Variants in DMD observed in about 807,000 individuals in gnomAD.
The protein encoded by DMD is dystrophin, also known as mutant dystrophin.
A neutral mutation model predicts 330.1 loss-of-function variants in DMD; 63 were observed. That is an observed-to-expected ratio of 0.19 (90% CI 0.16 to 0.24). The LOEUF (loss-of-function observed/expected upper bound fraction) is 0.24, where lower values mean the gene tolerates loss of function less well. Ranked by LOEUF, DMD falls within the 10% of genes least tolerant of loss-of-function variation. The pLI, the probability that DMD is intolerant of heterozygous loss-of-function variation, is 1.00. For synonymous variants in DMD, 1,223 were observed against 959.8 expected, an observed-to-expected ratio of 1.27 and a Z score of -5.07; for missense variants, 3,344 against 2,684.1, an observed-to-expected ratio of 1.25 and a Z score of -5.43.
intron 9 of DMD, among the ~76,000 whole-genome samples, chrX:32,681,672 C>T (rs1364797574): frequency 8.9e-6 from 1 of 111,815 alleles, no homozygotes; most frequent in African/African-American, 3.3e-5. Flanking sequence ...AAACGTGATG[C>T]TTTCATTCAT....
At chrX:33,139,868 TAAA>T (rs3990971) in intron 1 of DMD, among the ~76,000 whole-genome samples, 17 of 64,347 alleles carry the variant, frequency 2.6e-4, no homozygotes, top group Admixed American at 1.2e-3. Context: ...GCCCCATCGC[TAAA>T]AAAAAAAAAA....
intron 7 of DMD, among the ~76,000 whole-genome samples, chrX:32,752,449 G>A (rs941353135): frequency 9.2e-6 from 1 of 109,060 alleles, no homozygotes; most frequent in African/African-American, 3.3e-5. Flanking sequence ...TATTTGGAAG[G>A]GCTATATTTA....
intron 55 of DMD, among the ~76,000 whole-genome samples, chrX:31,583,525 G>T (rs973601164): frequency 1.8e-5 from 2 of 111,189 alleles, no homozygotes; most frequent in South Asian, 3.8e-4. Flanking sequence ...AGAGCAGTTT[G>T]CCTGGCACGG....
intron 1 of DMD, among the ~76,000 whole-genome samples, chrX:33,023,748 C>A (rs1463855195): frequency 9.0e-6 from 1 of 111,111 alleles, no homozygotes; most frequent in African/African-American, 3.3e-5. Flanking sequence ...AAGTCATGGG[C>A]TCCATTTGAT....
chrX:32,993,270 G>A (rs999463272), intron 2 of DMD, among the ~76,000 whole-genome samples: 1 of 111,949 alleles, frequency 8.9e-6, no homozygotes, highest in African/African-American at 3.2e-5. Context: ...TTTGTGAGCT[G>A]TACAACCCGT....
At chrX:31,242,032 A>C (rs2048352724) in intron 63 of DMD, among the ~76,000 whole-genome samples, 1 of 109,993 alleles carries the variant, frequency 9.1e-6, no homozygotes, top group South Asian at 3.9e-4. Flanking sequence ...CGAGATGGGC[A>C]GATGGCTTGA....
chrX:32,292,411 T>G (rs1378266557), intron 42 of DMD, among the ~76,000 whole-genome samples: 3 of 102,337 alleles, frequency 2.9e-5, no homozygotes, highest in African/African-American at 1.1e-4. Context: ...CTTACACCAT[T>G]CTCTTGCCTC....
At chrX:33,328,622 C>T (rs779118314) in intron 1 of DMD, among the ~76,000 whole-genome samples, 3 of 111,426 alleles carry the variant, frequency 2.7e-5, no homozygotes, top group African/African-American at 6.5e-5. Flanking sequence ...TACTATGTCA[C>T]GCATTTTGTG....
chrX:32,867,169 TAAAAAAAA>T (rs35927892), intron 2 of DMD, among the ~76,000 whole-genome samples: 102 of 102,393 alleles, frequency 1.0e-3, no homozygotes, highest in African/African-American at 3.5e-3. Flanking sequence ...TTGGAGAAGT[TAAAAAAAA>T]AAAAAAGTTG....
intron 1 of DMD, among the ~76,000 whole-genome samples, chrX:33,316,491 T>A (rs182557755): frequency 9.0e-6 from 1 of 111,638 alleles, no homozygotes; most frequent in Non-Finnish European, 1.9e-5. Context: ...TTTGAGTTAA[T>A]GTTTGAATAA....
intron 1 of DMD, among the ~76,000 whole-genome samples, chrX:33,290,737 T>C (rs1018306181): frequency 2.7e-5 from 3 of 111,603 alleles, no homozygotes; most frequent in African/African-American, 9.7e-5. Flanking sequence ...TGAAAGCTTT[T>C]GTTTGCTTGA....
At chrX:33,285,041 T>A (rs749473894) in intron 1 of DMD, among the ~76,000 whole-genome samples, 2 of 111,128 alleles carry the variant, frequency 1.8e-5, no homozygotes, top group Non-Finnish European at 3.8e-5. Context: ...ACAACAGGAT[T>A]TTGGTTCACG....
intron 48 of DMD, 125 bp downstream of exon 48, chrX:31,875,063 G>A (rs1338721628): frequency 1.4e-5 from 9 of 626,671 alleles, no homozygotes; most frequent in Non-Finnish European, 2.2e-5. Context: ...CCTGAATAAA[G>A]TCTTCCTTAC....
At chrX:33,292,037 T>C (rs2053520024) in intron 1 of DMD, among the ~76,000 whole-genome samples, 1 of 111,515 alleles carries the variant, frequency 9.0e-6, no homozygotes, top group East Asian at 2.8e-4. Context: ...CACAAGACTT[T>C]CTATTTTCAT....
At chrX:32,467,683 G>A (rs1198626728) in intron 23 of DMD, among the ~76,000 whole-genome samples, 2 of 104,552 alleles carry the variant, frequency 1.9e-5, no homozygotes, top group Admixed American at 1.0e-4. Flanking sequence ...GTATGTGTGT[G>A]TATATATATA....
intron 2 of DMD, among the ~76,000 whole-genome samples, chrX:32,952,763 T>C (rs5972719): frequency 0.067 from 7,434 of 111,126 alleles, 206 homozygotes; most frequent in African/African-American, 0.12. Flanking sequence ...TACCTTATGT[T>C]AAATTTCAGA....
At chrX:32,838,294 T>C (rs1305939102) in intron 4 of DMD, among the ~76,000 whole-genome samples, 1 of 111,297 alleles carries the variant, frequency 9.0e-6, no homozygotes, top group African/African-American at 3.3e-5. Context: ...CTGGGGTACA[T>C]GTGCAGGTTT....
intron 41 of DMD, among the ~76,000 whole-genome samples, chrX:32,311,670 T>G (rs1270267314): frequency 9.0e-6 from 1 of 111,610 alleles, no homozygotes; most frequent in African/African-American, 3.2e-5. Context: ...TCATTTACAT[T>G]TAAAAGGATA....
intron 17 of DMD, among the ~76,000 whole-genome samples, chrX:32,520,491 C>A (rs2046311683): frequency 9.0e-6 from 1 of 111,708 alleles, no homozygotes; most frequent in Non-Finnish European, 1.9e-5. Context: ...AGAAGGAGTG[C>A]TGGAATGTTA....
Sources: gnomAD v4.1 joint callset for allele counts (sites outside exome capture counted in the v4.1 genomes callset) on GRCh38, gnomAD v4.1.1 for gene constraint, MANE v1.5 for transcripts, NCBI Gene and HGNC (gene_info 2026-07-23, HGNC 2026-07-21) for gene names.